The following ABL2 variants were observed in gnomAD, a reference collection of about 807,000 sequenced individuals.
The protein encoded by ABL2 is tyrosine-protein kinase ABL2.
Under a neutral mutation model 107.7 loss-of-function variants are expected in ABL2, and 49 were observed. The observed-to-expected ratio is 0.45, with a 90% CI of 0.36 to 0.58. ABL2 has a LOEUF of 0.58. Among genes scored for constraint, ABL2 ranks in the 20% least tolerant of loss-of-function variants. The pLI is 0.00. For synonymous variants in ABL2, 549 were observed against 548.6 expected (o/e 1.00, Z -0.01); for missense variants, 1,245 against 1,457.0 (o/e 0.85, Z 2.37).
chr1:179,221,954 G>C (rs1418078680), intron 1 of ABL2: 1 of 232,960 alleles, frequency 4.3e-6, no homozygotes, highest in African/African-American at 2.3e-5. Context: ...GGATCTGTTT[G>C]AATTTATTAA....
chr1:179,117,572 T>C (rs1462576683), intron 7 of ABL2, 56 bp from the exon 8 acceptor site: 11 of 1,577,792 alleles, frequency 7.0e-6, no homozygotes, highest in East Asian at 2.2e-5. Flanking sequence ...AAAATGGTCA[T>C]GAACACTCTA....
intron 5 of ABL2, among the ~76,000 whole-genome samples, chr1:179,121,314 G>C (rs1655169462): frequency 6.6e-6 from 1 of 152,170 alleles, no homozygotes; most frequent in African/African-American, 2.4e-5. Context: ...AGCTTATTTT[G>C]CTTTTATAAC....
chr1:179,131,547 A>G, intron 2 of ABL2, 66 bp from the exon 3 acceptor site: 2 of 1,505,548 alleles, frequency 1.3e-6, no homozygotes, highest in Non-Finnish European at 9.2e-7. Flanking sequence ...GTTTGAATTC[A>G]TTATATACAC....
At chr1:179,223,218 A>G (rs1433092645) in intron 1 of ABL2, among the ~76,000 whole-genome samples, 11 of 151,736 alleles carry the variant, frequency 7.2e-5, no homozygotes, top group Non-Finnish European at 1.6e-4. Flanking sequence ...ATTTAAGACC[A>G]GCCTGGCCCA....
At chr1:179,154,368 T>G (rs1369091407) in intron 1 of ABL2, among the ~76,000 whole-genome samples, 1 of 152,230 alleles carries the variant, frequency 6.6e-6, no homozygotes, top group African/African-American at 2.4e-5. Context: ...TCTTCATTCT[T>G]CTCACAAGGA....
chr1:179,166,090 C>G lies in ABL2; in HGVS notation c.158-32716G>C, dbSNP rs1261941022. On this transcript the variant is annotated intron_variant, in intron 1 of 11. Transcript: ENST00000502732. ...GGGATTACAGGCATGAGCCACCACA[C>G]CTGGCCCAGATTCAAGACTTTTAAA... 4.6e-5 allele frequency among the ~76,000 whole-genome samples: 7 copies of G among 152,294 alleles called. No homozygotes were observed. The South Asian group carries it at 1.5e-3, about 32-fold the overall frequency.
intron 1 of ABL2, among the ~76,000 whole-genome samples, chr1:179,152,269 C>A (rs1658409155): frequency 3.9e-5 from 6 of 152,188 alleles, no homozygotes. Flanking sequence ...AAAAGCCCTG[C>A]AGTTAATCAG....
chr1:179,167,426 G>A (rs1457099379), intron 1 of ABL2, among the ~76,000 whole-genome samples: 2 of 152,190 alleles, frequency 1.3e-5, no homozygotes, highest in African/African-American at 4.8e-5. Context: ...AGAGATTAAT[G>A]GGTATAAACT....
chr1:179,107,666 T>C lies in ABL2; in HGVS notation c.*52A>G. 6.5e-7 allele frequency: 1 copy of C among 1,533,822 alleles called. No individual in the cohort carries two copies. Reference sequence around the variant, plus strand: ...AACAAGAACACAGGAAAACAAGTCCTTTTCCCTCTCCCCTCAGAAATGTGT... The same window carrying C: ...AACAAGAACACAGGAAAACAAGTCCCTTTCCCTCTCCCCTCAGAAATGTGT... On this transcript the variant is annotated 3_prime_UTR_variant, in exon 12 of 12. Coordinates refer to ENST00000502732, the MANE Select transcript of ABL2 (RefSeq NM_007314.4).
intron 1 of ABL2, among the ~76,000 whole-genome samples, chr1:179,189,797 G>A (rs2816199): frequency 0.35 from 52,571 of 151,664 alleles, 9,499 homozygotes; most frequent in East Asian, 0.48. Context: ...AGACAGAAGC[G>A]CACAAGCTGG....
intron 1 of ABL2, chr1:179,143,017 G>A: frequency 1.2e-6 from 2 of 1,614,194 alleles, no homozygotes; most frequent in Non-Finnish European, 1.7e-6. Context: ...TAACTATTAG[G>A]TGGAAGGAGA....
intron 8 of ABL2, 180 bp downstream of exon 8, chr1:179,117,152 A>G: frequency 2.9e-6 from 2 of 682,574 alleles, no homozygotes; most frequent in Non-Finnish European, 2.4e-6. Context: ...CTGTTTATGC[A>G]AAGTTCTTAA....
rs143105090 is a variant in ABL2, at chr1:179,146,215, T to C, written c.158-12841A>G. 2.3e-3 allele frequency among the ~76,000 whole-genome samples: 343 copies of C among 152,286 alleles called. 4 individuals carry two copies. The highest frequency in any genetic ancestry group is 7.7e-3 in the African/African-American group (318 of 41,556). ...ATGCAGTAGTTCAGCAATGGGATCA[T>C]GTTGGCTTAGAATAGGATGGTGGCA... On this transcript the variant is annotated intron_variant, in intron 1 of 11. Coordinates refer to ENST00000502732, the MANE Select transcript of ABL2 (RefSeq NM_007314.4).
In ABL2 at chr1:179,102,416, C is replaced by T; in HGVS notation, c.*5302G>A. The T allele has an allele frequency of 9.1e-6, 2 of 219,930 alleles. No homozygotes were observed. The highest frequency in any genetic ancestry group is 6.7e-5 in the East Asian group (1 of 15,004). 13.6% of individuals were successfully genotyped at this position (219,930 alleles called of 1,614,324 possible). A position where few individuals can be genotyped will look rare whatever the true frequency, so the allele number is the denominator to read the frequency against. ...ACGTTTCAGAAGTTCTCACATACTCCTACGGATCCCAGACTGAAGCAGGAA... is the reference window on the plus strand; with the variant it reads ...ACGTTTCAGAAGTTCTCACATACTCTTACGGATCCCAGACTGAAGCAGGAA... On this transcript the variant is annotated 3_prime_UTR_variant, in exon 12 of 12. Coordinates refer to ENST00000502732, the MANE Select transcript of ABL2 (RefSeq NM_007314.4).
At chr1:179,180,339 A>G (rs376402660) in intron 1 of ABL2, among the ~76,000 whole-genome samples, 104 of 152,324 alleles carry the variant, frequency 6.8e-4, no homozygotes, top group African/African-American at 2.2e-3. Flanking sequence ...GCTGGTAAGC[A>G]AGGAAGCAAT....
In ABL2 at chr1:179,107,721, C is replaced by T. The variant is rs753806668; in HGVS notation, c.3546G>A (p.Arg1182=). 2.5e-6 allele frequency: 4 copies of T among 1,603,870 alleles called. No individual in the cohort carries two copies. The highest frequency in any genetic ancestry group is 3.4e-6 in the Non-Finnish European group (4 of 1,173,370). ...TTTCCCACCAGGCTAACAGTGGCTA[C>T]CTCTGCACCACATCACTGATTTCCT... ...CVQEISDVVQ[R] Residue 1182 remains arginine, a synonymous_variant, in exon 12 of 12, where the codon AGG becomes AGA. Transcript: ENST00000502732.
chr1:179,157,811 C>A (rs1168117242), intron 1 of ABL2, among the ~76,000 whole-genome samples: 2 of 151,490 alleles, frequency 1.3e-5, no homozygotes, highest in Non-Finnish European at 2.9e-5. Context: ...CTCAAGCGAT[C>A]CTCCTGCGTC....
chr1:179,123,322 T>C (rs919425948), intron 4 of ABL2, among the ~76,000 whole-genome samples: 8 of 151,858 alleles, frequency 5.3e-5, no homozygotes, highest in African/African-American at 9.7e-5. Flanking sequence ...TTGGCCATCA[T>C]GGTGAAACCT....
At chr1:179,131,521 C>G in intron 2 of ABL2, 40 bp from the exon 3 acceptor site, 1 of 1,594,426 alleles carries the variant, frequency 6.3e-7, no homozygotes, top group South Asian at 1.1e-5. Context: ...ACGGTGAGTT[C>G]AACAGCGAAA....
Sources: gnomAD v4.1 joint callset for allele counts (sites outside exome capture counted in the v4.1 genomes callset) on GRCh38, gnomAD v4.1.1 for gene constraint, MANE v1.5 for transcripts, NCBI Gene and HGNC (gene_info 2026-07-23, HGNC 2026-07-21) for gene names.